The following NEO1 variants were observed in gnomAD, a reference collection of about 807,000 sequenced individuals.
The protein encoded by NEO1 is neogenin 1, also known as neogenin.
A neutral mutation model predicts 159.7 loss-of-function variants in NEO1; 63 were observed. That is an observed-to-expected ratio of 0.39 (90% CI 0.32 to 0.49). The LOEUF is 0.49. NEO1 is among the 20% of genes least tolerant of loss of function. The pLI is 0.85. For missense variants in NEO1, 1,615 were observed against 1,831.0 expected (o/e 0.88, Z 2.15); for synonymous variants, 633 against 662.0 (o/e 0.96, Z 0.67).
chr15:73,133,476 A>G (rs1054341239), intron 4 of NEO1, among the ~76,000 whole-genome samples: 8 of 152,306 alleles, frequency 5.3e-5, no homozygotes, highest in African/African-American at 1.9e-4. Context: ...GGGTGCACCA[A>G]AATCTGAGAA....
At chr15:73,185,386 A>C (rs1316638581) in intron 7 of NEO1, among the ~76,000 whole-genome samples, 1 of 152,160 alleles carries the variant, frequency 6.6e-6, no homozygotes, top group Admixed American at 6.5e-5. Context: ...AGGGCAGAGG[A>C]AATTTTGGTA....
At chr15:73,123,504 A>G (rs2071792518) in intron 3 of NEO1, among the ~76,000 whole-genome samples, 2 of 152,190 alleles carry the variant, frequency 1.3e-5, no homozygotes, top group Non-Finnish European at 2.9e-5. Context: ...TCTAGAGACA[A>G]TGGCAGGCAA....
At chr15:73,298,026 A>T (rs549662291) in intron 26 of NEO1, among the ~76,000 whole-genome samples, 5 of 152,330 alleles carry the variant, frequency 3.3e-5, no homozygotes, top group South Asian at 2.1e-4. Context: ...ATTTTCTTTT[A>T]TACTTATTTA....
rs780310037 is a variant in NEO1, at chr15:73,270,371, T to C, written c.2774T>C (p.Leu925Pro). The C allele has an allele frequency of 3.2e-5, 51 of 1,614,052 alleles. No homozygotes were observed. The highest frequency in any genetic ancestry group is 7.7e-5 in the South Asian group (7 of 91,090). Residue 925 changes from leucine to proline, a missense_variant, in exon 18 of 29, where the codon CTC (leucine) becomes CCC (proline). By Grantham distance (98) the Leu-to-Pro change is moderately conservative (BLOSUM62 -3). This residue lies in a region of NEO1 where 126 missense variants were observed against 216.7 expected (regional missense o/e 0.58). Coordinates refer to ENST00000261908, the MANE Select transcript of NEO1 (RefSeq NM_002499.4). ...GTGACTGGTTTAAAGCCGAATACAC[T>C]CTATGAATTCTCTGTGATGGTGACC... ...YLVTGLKPNT[L>P]YEFSVMVTKG...
intron 8 of NEO1, among the ~76,000 whole-genome samples, 165 bp downstream of exon 8, chr15:73,236,671 C>A (rs938122185): frequency 6.6e-6 from 1 of 152,168 alleles, no homozygotes; most frequent in African/African-American, 2.4e-5. Context: ...CCCAAACAGA[C>A]TAAAGTCCTG....
rs192829253 is a variant in NEO1 at position 73,254,844 on chromosome 15, A to C, written c.2092+15A>C. 6.2e-7 allele frequency: 1 copy of C among 1,609,500 alleles called. No individual in the cohort carries two copies. The highest frequency in any genetic ancestry group is 8.5e-7 in the Non-Finnish European group (1 of 1,178,300). The stretch of plus-strand genomic sequence containing the variant: ...GCTGATTGAAGGTAAGCTACCGTGC[A>C]CAAAGGCAAAAGGTACACTGTGTCT... On this transcript the variant is annotated intron_variant, in intron 13 of 28. Coordinates refer to ENST00000261908, the MANE Select transcript of NEO1 (RefSeq NM_002499.4).
intron 28 of NEO1, 144 bp from the exon 29 acceptor site, chr15:73,302,469 T>TG: frequency 1.5e-6 from 1 of 654,480 alleles, no homozygotes; most frequent in Admixed American, 2.7e-5. Flanking sequence ...TACTTTCCAC[T>TG]CTTCTGAGCC....
At chr15:73,204,400 TTC>T (rs2037095326) in intron 7 of NEO1, among the ~76,000 whole-genome samples, 1 of 152,198 alleles carries the variant, frequency 6.6e-6, no homozygotes, top group Non-Finnish European at 1.5e-5. Context: ...TTATTCTCTC[TTC>T]TCTGATATTC....
At chr15:73,082,832 A>G (rs1294732282) in intron 1 of NEO1, among the ~76,000 whole-genome samples, 1 of 152,196 alleles carries the variant, frequency 6.6e-6, no homozygotes, top group Non-Finnish European at 1.5e-5. Context: ...TAAGGGCCAT[A>G]AAGGAGAAGT....
intron 7 of NEO1, among the ~76,000 whole-genome samples, chr15:73,200,108 G>A (rs1302187000): frequency 6.6e-6 from 1 of 152,120 alleles, no homozygotes; most frequent in Non-Finnish European, 1.5e-5. Context: ...TGTAGAGCTT[G>A]GTATTATTTA....
In NEO1 at chr15:73,304,065, A is replaced by G. The variant is rs1452423190; in HGVS notation, c.*1369A>G. On this transcript the variant is annotated 3_prime_UTR_variant, in exon 29 of 29. Transcript: ENST00000261908. ...CTGAGGCTTCCACACATCTTTCTGAATATTATTTTTCAAGTAACAAGGGCA... is the reference window on the plus strand; with the variant it reads ...CTGAGGCTTCCACACATCTTTCTGAGTATTATTTTTCAAGTAACAAGGGCA... The G allele has an allele frequency of 6.6e-6, 1 of 152,138 alleles. No homozygotes were observed. The highest frequency in any genetic ancestry group is 2.4e-5 in the African/African-American group (1 of 41,372). The allele number at this position is 152,138 out of a possible 1,614,324, so 9.4% of individuals were successfully genotyped here.
chr15:73,105,035 C>T (rs904995544), intron 1 of NEO1, among the ~76,000 whole-genome samples: 2 of 152,112 alleles, frequency 1.3e-5, no homozygotes, highest in African/African-American at 4.8e-5. Context: ...TAGAGCACCT[C>T]TTGAAAAATG....
intron 1 of NEO1, among the ~76,000 whole-genome samples, chr15:73,097,874 G>A (rs2070166127): frequency 7.0e-6 from 1 of 143,596 alleles, no homozygotes; most frequent in African/African-American, 2.6e-5. Context: ...CCACTGGGTT[G>A]GTCATCATTA....
At chr15:73,299,253 G>A (rs2042506685) in intron 27 of NEO1, among the ~76,000 whole-genome samples, 1 of 151,830 alleles carries the variant, frequency 6.6e-6, no homozygotes, top group Admixed American at 6.6e-5. Flanking sequence ...TTCTTCATAT[G>A]GGTTATATCT....
chr15:73,104,975 T>A (rs183229947), intron 1 of NEO1, among the ~76,000 whole-genome samples: 4 of 152,282 alleles, frequency 2.6e-5, no homozygotes, highest in African/African-American at 9.6e-5. Context: ...TAATTCAACA[T>A]GAGATTTGGG....
At chr15:73,166,611 A>T (rs2034584892) in intron 5 of NEO1, among the ~76,000 whole-genome samples, 1 of 152,200 alleles carries the variant, frequency 6.6e-6, no homozygotes, top group South Asian at 2.1e-4. Flanking sequence ...TTGGCCTAAA[A>T]GGGCGGGAGA....
At chr15:73,135,318 A>G (rs538162083) in intron 4 of NEO1, among the ~76,000 whole-genome samples, 1 of 152,220 alleles carries the variant, frequency 6.6e-6, no homozygotes, top group South Asian at 2.1e-4. Context: ...CAGCTACCAC[A>G]CCCAGGGAGC....
intron 7 of NEO1, among the ~76,000 whole-genome samples, chr15:73,218,256 T>C: frequency 6.6e-6 from 1 of 150,626 alleles, no homozygotes; most frequent in Non-Finnish European, 1.5e-5. Context: ...TGAACCAGCC[T>C]TGCATCCCAG....
intron 7 of NEO1, among the ~76,000 whole-genome samples, chr15:73,194,095 G>A (rs1302913908): frequency 6.6e-6 from 1 of 152,114 alleles, no homozygotes; most frequent in Non-Finnish European, 1.5e-5. Context: ...TCAAAGGGTT[G>A]GAATTTGTTG....
Sources: allele counts gnomAD v4.1 joint callset (sites outside exome capture counted in the v4.1 genomes callset), GRCh38; gene constraint gnomAD v4.1.1; regional missense constraint gnomAD v4.1.1; transcripts MANE v1.5; gene names NCBI Gene and HGNC (gene_info 2026-07-23, HGNC 2026-07-21).